The following SMYD2 variants were observed in gnomAD, a reference collection of about 807,000 sequenced individuals.
SMYD2 encodes the protein SET and MYND domain containing 2, also known as N-lysine methyltransferase SMYD2.
SMYD2 carries 53 observed loss-of-function variants against 59.1 expected under a neutral mutation model. That is an observed-to-expected ratio of 0.90 (90% CI 0.72 to 1.13). The LOEUF (loss-of-function observed/expected upper bound fraction) is 1.13. Ranked by LOEUF, SMYD2 falls within the 50% of genes most tolerant of loss-of-function variation. The pLI is 0.00. For synonymous variants in SMYD2, 208 were observed against 198.8 expected (o/e 1.05, Z -0.39); for missense variants, 494 against 544.7 (o/e 0.91, Z 0.93).
In SMYD2 at chr1:214,332,066, G is replaced by C; in HGVS notation, c.986G>C (p.Ser329Thr). Residue 329 changes from serine to threonine, a missense_variant, in exon 10 of 12, where the codon AGC (serine) becomes ACC (threonine). Physicochemically the swap from Ser to Thr is moderately conservative, Grantham distance 58. Coordinates refer to ENST00000366957, the MANE Select transcript of SMYD2 (RefSeq NM_020197.3). The part of the protein sequence containing the change: ...EICELSQEKM[S>T]SVFEDSNVYM... ...TGCGAGCTCAGCCAGGAGAAGATGA[G>C]CTCTGTGTTTGAGGACAGTAACGTG... 6.2e-7 allele frequency: 1 copy of C among 1,614,024 alleles called. No homozygotes were observed. Among genetic ancestry groups the C allele is most frequent in the Non-Finnish European group, 8.5e-7 (1 of 1,180,020 alleles).
chr1:214,328,128 AT>A (rs925313781), intron 7 of SMYD2, among the ~76,000 whole-genome samples: 1 of 151,784 alleles, frequency 6.6e-6, no homozygotes. Context: ...ATTTTATTTT[AT>A]TTTTTTTGGT....
intron 10 of SMYD2, chr1:214,333,250 G>A (rs1247502972): frequency 6.6e-6 from 1 of 152,260 alleles, no homozygotes; most frequent in East Asian, 1.9e-4. Context: ...AGTTCTCTGT[G>A]TGAGATCTGT....
At chr1:214,323,939 T>G (rs1227302727) in intron 5 of SMYD2, among the ~76,000 whole-genome samples, 1 of 152,102 alleles carries the variant, frequency 6.6e-6, no homozygotes, top group Admixed American at 6.5e-5. Flanking sequence ...TTGATTCCTT[T>G]TTTTTGAGAC....
At chr1:214,286,230 C>T (rs1032269864) in intron 1 of SMYD2, among the ~76,000 whole-genome samples, 1 of 152,158 alleles carries the variant, frequency 6.6e-6, no homozygotes, top group Admixed American at 6.6e-5. Flanking sequence ...ACTTGGTAGG[C>T]TGAGGTGGGA....
At chr1:214,320,172 G>A (rs1276509209) in intron 5 of SMYD2, among the ~76,000 whole-genome samples, 2 of 152,192 alleles carry the variant, frequency 1.3e-5, no homozygotes, top group East Asian at 3.9e-4. Context: ...TGTGATGGAA[G>A]GTTACATAAC....
intron 2 of SMYD2, among the ~76,000 whole-genome samples, chr1:214,311,382 A>T (rs1656997232): frequency 6.6e-6 from 1 of 152,162 alleles, no homozygotes; most frequent in Admixed American, 6.5e-5. Flanking sequence ...TTGATATCTG[A>T]TTATCACTGT....
intron 5 of SMYD2, among the ~76,000 whole-genome samples, chr1:214,322,433 T>C (rs1558056001): frequency 6.6e-6 from 1 of 152,214 alleles, no homozygotes; most frequent in African/African-American, 2.4e-5. Context: ...TGCCAAGTCT[T>C]CTACTTACAC....
chr1:214,286,856 C>CTTTTT (rs34796070), intron 1 of SMYD2, among the ~76,000 whole-genome samples: 1 of 145,202 alleles, frequency 6.9e-6, no homozygotes, highest in African/African-American at 2.6e-5. Flanking sequence ...GATCTCTCTT[C>CTTTTT]TTTTTTTTTT....
At chr1:214,298,895 G>A (rs1006322920) in intron 1 of SMYD2, among the ~76,000 whole-genome samples, 1 of 152,214 alleles carries the variant, frequency 6.6e-6, no homozygotes, top group African/African-American at 2.4e-5. Context: ...GCTCACATCT[G>A]TAATCCCAGC....
In SMYD2 at chr1:214,312,885, G is replaced by T. The variant is rs73092311; in HGVS notation, c.238-1877G>T. ...GAGTTTTGTCAACAGAATCCCTCAG[G>T]CTGCTCTCTGGAACCTAGTCCATGG... On this transcript the variant is annotated intron_variant, in intron 2 of 11. Transcript: ENST00000366957. This position sits in a 1 kb window ranked among gnomAD's most constrained non-coding sequence, Gnocchi z 4.1. Among the ~76,000 whole-genome samples the T allele has an allele frequency of 6.4e-3, 974 of 152,318 alleles. 13 individuals are homozygous for T. Among genetic ancestry groups the T allele is most frequent in the African/African-American group, 0.022 (923 of 41,562 alleles).
Position 214,331,013 on chromosome 1 carries a change from A to G in SMYD2, c.880A>G (p.Met294Val). 1 of 1,614,244 alleles carries G rather than the reference A, an allele frequency of 6.2e-7. No homozygotes were observed. The highest frequency in any genetic ancestry group is 8.5e-7 in the Non-Finnish European group (1 of 1,180,042). ...CCCAAAGGCAGAAGCCATCCGAGACATGGTCAGATATGCACGCAACGTCAT... is the reference window on the plus strand; with the variant it reads ...CCCAAAGGCAGAAGCCATCCGAGACGTGGTCAGATATGCACGCAACGTCAT... ...DPPKAEAIRD[M>V]VRYARNVIEE... is the part of the protein sequence containing the mutation. The change falls in exon 9 of 12, where the codon ATG becomes GTG. Residue 294 changes from methionine (M) to valine (V), a missense_variant. Coordinates refer to ENST00000366957, the MANE Select transcript of SMYD2 (RefSeq NM_020197.3).
At chr1:214,293,536 C>T (rs190121789) in intron 1 of SMYD2, among the ~76,000 whole-genome samples, 1 of 152,288 alleles carries the variant, frequency 6.6e-6, no homozygotes, top group East Asian at 1.9e-4. Flanking sequence ...TGCTATTTCC[C>T]TAACTTCTGT....
At chr1:214,334,426 A>T in intron 11 of SMYD2, 118 bp downstream of exon 11, 1 of 914,468 alleles carries the variant, frequency 1.1e-6, no homozygotes, top group Non-Finnish European at 1.7e-6. Flanking sequence ...GCTCTCACCC[A>T]CCCTCTTGCC....
intron 3 of SMYD2, among the ~76,000 whole-genome samples, chr1:214,315,630 T>C (rs1266486297): frequency 6.6e-6 from 1 of 152,178 alleles, no homozygotes; most frequent in Admixed American, 6.5e-5. Flanking sequence ...TACTAGGACT[T>C]ATGAACTGAA....
chr1:214,284,570 T>G lies in SMYD2; in HGVS notation c.173+3143T>G, dbSNP rs181255202. ...GTATTTTAAACTAAGTTTTAGACTT[T>G]TTTTTTTTTTTGAAACAGTCTCGTC... On this transcript the variant is annotated intron_variant, in intron 1 of 11. Transcript: ENST00000366957. Among the ~76,000 whole-genome samples, 379 of 150,508 alleles carry G rather than the reference T, an allele frequency of 2.5e-3. 1 individual carries two copies. Among genetic ancestry groups the G allele is most frequent in the African/African-American group, 8.6e-3 (352 of 40,982 alleles).
chr1:214,311,216 A>G (rs1656994083), intron 2 of SMYD2, among the ~76,000 whole-genome samples: 3 of 152,190 alleles, frequency 2.0e-5, no homozygotes. Context: ...TGTTGAATGA[A>G]TGAATGAATG....
At chr1:214,286,323 T>G (rs1470955705) in intron 1 of SMYD2, among the ~76,000 whole-genome samples, 1 of 152,128 alleles carries the variant, frequency 6.6e-6, no homozygotes, top group Non-Finnish European at 1.5e-5. Flanking sequence ...TTTATTTAGT[T>G]TAGCCAGCTG....
chr1:214,289,680 A>G (rs1177125912), intron 1 of SMYD2, among the ~76,000 whole-genome samples: 2 of 152,172 alleles, frequency 1.3e-5, no homozygotes, highest in African/African-American at 4.8e-5. Flanking sequence ...AACTAGACAC[A>G]CCTAGAACAA....
chr1:214,319,127 G>A, intron 5 of SMYD2, 144 bp downstream of exon 5: 3 of 1,109,210 alleles, frequency 2.7e-6, no homozygotes, highest in East Asian at 2.5e-5. Flanking sequence ...TGGACCGTGT[G>A]TTGCCATAGC....
Sources: gnomAD v4.1 joint callset for allele counts (sites outside exome capture counted in the v4.1 genomes callset) on GRCh38, gnomAD v4.1.1 for gene constraint, Gnocchi (gnomAD v3.1) non-coding constraint, MANE v1.5 for transcripts, NCBI Gene and HGNC (gene_info 2026-07-23, HGNC 2026-07-21) for gene names.